NLGN1: variants seen among roughly 807,000 people sequenced by gnomAD.
NLGN1 encodes the protein neuroligin-1.
In NLGN1, 12 loss-of-function variants were observed where a neutral mutation model predicts 65.5. The ratio of observed to expected loss-of-function variants is 0.18; its 90% CI spans 0.12 to 0.30. The LOEUF is 0.30. NLGN1 is among the 10% of genes least tolerant of loss of function. The pLI, the probability that NLGN1 is intolerant of heterozygous loss-of-function variation, is 1.00. For missense variants in NLGN1, 750 were observed against 1,007.1 expected, an observed-to-expected ratio of 0.74 and a Z score of 3.46; for synonymous variants, 350 against 359.5, an observed-to-expected ratio of 0.97 and a Z score of 0.30.
At chr3:173,677,062 C>A (rs1385079766) in intron 3 of NLGN1, among the ~76,000 whole-genome samples, 1 of 151,984 alleles carries the variant, frequency 6.6e-6, no homozygotes, top group African/African-American at 2.4e-5. Flanking sequence ...AGAATAGAGT[C>A]AGAAATGAAA....
chr3:174,235,940 A>G (rs938480369), intron 4 of NLGN1, among the ~76,000 whole-genome samples: 7 of 152,148 alleles, frequency 4.6e-5, no homozygotes, highest in African/African-American at 1.7e-4. Context: ...TATCTGATAT[A>G]AAATATATTT....
At position 173,913,032 on chromosome 3, in the gene NLGN1, C is replaced by T. The variant is rs560195555; in HGVS notation, c.646+105200C>T. ...ACAGCGACTAGAATGCATTTAAAAT[C>T]CCTCTTTCTCTTCCACTTAAGAATA... On this transcript the variant is annotated intron_variant, in intron 4 of 6. Transcript: ENST00000457714. Among the ~76,000 whole-genome samples the T allele has an allele frequency of 4.6e-5, 7 of 152,248 alleles. No homozygotes were observed. In the South Asian group the frequency reaches 1.4e-3, roughly 32 times the overall value.
intron 5 of NLGN1, 59 bp from the exon 6 acceptor site, chr3:174,278,802 T>C: frequency 7.7e-7 from 1 of 1,299,648 alleles, no homozygotes; most frequent in Non-Finnish European, 1.0e-6. Flanking sequence ...TCAGATGTTA[T>C]TGTTTTACCA....
In NLGN1 at chr3:173,562,425, G is replaced by C. The variant is rs540996084; in HGVS notation, c.-320-41854G>C. On this transcript the variant is annotated intron_variant, in intron 2 of 6. Coordinates refer to ENST00000457714, the Ensembl canonical transcript of NLGN1. ...CTATTAAAATATAAAAAATTGACTG[G>C]GTATGGTGGTGCGCACCTGTAGTCC... is the stretch of plus-strand genomic sequence containing the variant. Among the ~76,000 whole-genome samples, 15 of 152,036 alleles carry C rather than the reference G, an allele frequency of 9.9e-5. No homozygotes were observed. The South Asian group carries it at 3.1e-3, about 32-fold the overall frequency.
chr3:174,236,796 G>T (rs1741799600), intron 4 of NLGN1, among the ~76,000 whole-genome samples: 1 of 151,806 alleles, frequency 6.6e-6, no homozygotes, highest in African/African-American at 2.4e-5. Flanking sequence ...TTGAACTTTT[G>T]TTATTTTATT....
At chr3:173,606,555 C>T (rs1751439328) in intron 3 of NLGN1, among the ~76,000 whole-genome samples, 1 of 152,018 alleles carries the variant, frequency 6.6e-6, no homozygotes, top group Admixed American at 6.6e-5. Flanking sequence ...CCTGGCTGGA[C>T]CAAGTCAGAT....
intron 2 of NLGN1, among the ~76,000 whole-genome samples, chr3:173,443,467 T>C (rs1719599752): frequency 6.6e-6 from 1 of 151,786 alleles, no homozygotes; most frequent in African/African-American, 2.4e-5. Flanking sequence ...GCTTTGATAA[T>C]TTGAAAATTA....
chr3:174,020,289 A>T (rs1373175959), intron 4 of NLGN1, among the ~76,000 whole-genome samples: 1 of 152,124 alleles, frequency 6.6e-6, no homozygotes. Context: ...ATTCTTTGTC[A>T]AAGACGAAAA....
At chr3:173,836,371 C>T (rs2150636841) in intron 4 of NLGN1, among the ~76,000 whole-genome samples, 1 of 152,086 alleles carries the variant, frequency 6.6e-6, no homozygotes, top group South Asian at 2.1e-4. Context: ...ATCACAAGTG[C>T]TGTTGCAATT....
rs1748728201 is a variant in NLGN1, at chr3:173,592,638, T to C, written c.-320-11641T>C. The stretch of plus-strand genomic sequence containing the variant: ...GCATCACAGATGGATAAATAAAATC[T>C]GAGGGTTGTGTTAATTGATGAAAAA... On this transcript the variant is annotated intron_variant, in intron 2 of 6. Transcript: ENST00000457714. 2.0e-5 allele frequency among the ~76,000 whole-genome samples: 3 copies of C among 152,224 alleles called. No homozygotes were observed. The South Asian group carries it at 6.2e-4, about 32-fold the overall frequency.
intron 4 of NLGN1, among the ~76,000 whole-genome samples, chr3:173,846,615 C>T (rs538172520): frequency 6.6e-6 from 1 of 152,220 alleles, no homozygotes; most frequent in Non-Finnish European, 1.5e-5. Flanking sequence ...CTTTCCCACC[C>T]CCATTTCTAC....
intron 2 of NLGN1, among the ~76,000 whole-genome samples, chr3:173,464,634 C>T (rs190001980): frequency 6.6e-6 from 1 of 151,898 alleles, no homozygotes; most frequent in Non-Finnish European, 1.5e-5. Context: ...GGGGTTTCTC[C>T]ATGTTGGTCA....
At chr3:173,885,519 G>A (rs1734172986) in intron 4 of NLGN1, among the ~76,000 whole-genome samples, 1 of 151,852 alleles carries the variant, frequency 6.6e-6, no homozygotes, top group African/African-American at 2.4e-5. Context: ...CATATAGTTA[G>A]GCCAGAAATA....
chr3:174,224,289 A>G (rs761835446), intron 4 of NLGN1, among the ~76,000 whole-genome samples: 14 of 152,206 alleles, frequency 9.2e-5, no homozygotes, highest in Non-Finnish European at 1.8e-4. Context: ...AGCATAAGAT[A>G]TTCAAGTGCA....
chr3:173,588,586 G>A (rs1047802386), intron 2 of NLGN1, among the ~76,000 whole-genome samples: 9 of 152,102 alleles, frequency 5.9e-5, no homozygotes, highest in African/African-American at 2.2e-4. Context: ...TTAAACTTTT[G>A]GGGGATTTTT....
At chr3:173,604,867 C>G (rs145279213) in exon 3 of NLGN1, 6 of 1,613,722 alleles carry the variant, frequency 3.7e-6, no homozygotes, top group Non-Finnish European at 5.1e-6. Flanking sequence ...GCCCCACCAA[C>G]AGGGGAACGT....
chr3:173,972,356 A>G (rs1369144946), intron 4 of NLGN1, among the ~76,000 whole-genome samples: 1 of 152,146 alleles, frequency 6.6e-6, no homozygotes, highest in African/African-American at 2.4e-5. Flanking sequence ...CCTGCAAATG[A>G]CCAGAAAAGT....
chr3:174,092,251 A>AT (rs1561022554), intron 4 of NLGN1, among the ~76,000 whole-genome samples: 1 of 152,184 alleles, frequency 6.6e-6, no homozygotes, highest in African/African-American at 2.4e-5. Context: ...GGAGAGACAC[A>AT]TAAGCTAAAC....
At chr3:173,612,939 C>CT (rs980972168) in intron 3 of NLGN1, among the ~76,000 whole-genome samples, 1 of 152,026 alleles carries the variant, frequency 6.6e-6, no homozygotes, top group Non-Finnish European at 1.5e-5. Flanking sequence ...GTGTATATGT[C>CT]TGTGTTCCAA....
Sources: gnomAD v4.1 joint callset for allele counts (sites outside exome capture counted in the v4.1 genomes callset) on GRCh38, gnomAD v4.1.1 for gene constraint, MANE v1.5 for transcripts, NCBI Gene and HGNC (gene_info 2026-07-23, HGNC 2026-07-21) for gene names.